Variants in DRD3 observed in about 807,000 individuals in gnomAD.
The protein encoded by DRD3 is D(3) dopamine receptor.
A neutral mutation model predicts 36.3 loss-of-function variants in DRD3; 19 were observed. That is an observed-to-expected ratio of 0.52 (90% CI 0.36 to 0.77). The LOEUF is 0.77. Ranked by LOEUF, DRD3 falls within the 30% of genes least tolerant of loss-of-function variation. DRD3 has a pLI of 0.00. For missense variants in DRD3, 465 were observed against 505.3 expected (o/e 0.92, Z 0.77); for synonymous variants, 195 against 203.7 (o/e 0.96, Z 0.36).
intron 4 of DRD3, among the ~76,000 whole-genome samples, chr3:114,144,365 G>A (rs1016199466): frequency 6.6e-6 from 1 of 152,178 alleles, no homozygotes; most frequent in African/African-American, 2.4e-5. Flanking sequence ...GCAGGATCCT[G>A]CCCTCTCCCC....
chr3:114,139,694 C>CTCT lies in DRD3; in HGVS notation c.528_529insAGA (p.Gly176_Asp177insArg). The CTCT allele has an allele frequency of 6.2e-7, 1 of 1,613,492 alleles. No homozygotes were observed. The highest frequency in any genetic ancestry group is 8.5e-7 in the Non-Finnish European group (1 of 1,179,658). Reference sequence around the variant, plus strand: ...TTGGAGATGGAGCAGACAGTGGGGTCCCCTGTGGATGAGAAGGGGGAAGGT... The same window carrying CTCT: ...TTGGAGATGGAGCAGACAGTGGGGTCTCTCCCTGTGGATGAGAAGGGGGAAGGT... On this transcript the variant is annotated inframe_insertion and splice_region_variant, in exon 5 of 7. Coordinates refer to ENST00000383673, the MANE Select transcript of DRD3 (RefSeq NM_000796.6).
chr3:114,151,831 GCT>G (rs1220139528), intron 3 of DRD3, among the ~76,000 whole-genome samples: 5 of 152,212 alleles, frequency 3.3e-5, no homozygotes, highest in Non-Finnish European at 7.4e-5. Flanking sequence ...GGCATCGACA[GCT>G]CTCTGAGTTC....
chr3:114,176,059 A>G (rs988543720), intron 1 of DRD3: 1 of 152,224 alleles, frequency 6.6e-6, no homozygotes, highest in African/African-American at 2.4e-5. Context: ...TCAGGTCCCC[A>G]TCAGTTATGA....
chr3:114,158,759 A>G (rs917584798), intron 3 of DRD3, among the ~76,000 whole-genome samples: 2 of 152,220 alleles, frequency 1.3e-5, no homozygotes, highest in African/African-American at 4.8e-5. Context: ...AATGTGATAA[A>G]TTCTCAATAA....
At chr3:114,179,188 T>C (rs977725509), upstream of DRD3, 1 of 152,210 alleles carries the variant, frequency 6.6e-6, no homozygotes, top group African/African-American at 2.4e-5. Context: ...TTAATTGCCT[T>C]TCCAGATTTT....
At chr3:114,142,521 A>G (rs2077534888) in intron 4 of DRD3, among the ~76,000 whole-genome samples, 1 of 152,194 alleles carries the variant, frequency 6.6e-6, no homozygotes, top group Non-Finnish European at 1.5e-5. Flanking sequence ...TTGTGTAATA[A>G]TGAATACACA....
intron 5 of DRD3, among the ~76,000 whole-genome samples, chr3:114,134,436 T>A (rs1207935396): frequency 2.0e-5 from 3 of 152,114 alleles, no homozygotes; most frequent in Admixed American, 6.5e-5. Context: ...TTATTTATTC[T>A]TTAAGACAAA....
chr3:114,156,994 T>TTCTC (rs774424169), intron 3 of DRD3, among the ~76,000 whole-genome samples: 18 of 147,094 alleles, frequency 1.2e-4, no homozygotes, highest in African/African-American at 3.8e-4. Flanking sequence ...CTTCCTTTCT[T>TTCTC]TCTCTCTCTC....
intron 2 of DRD3, among the ~76,000 whole-genome samples, chr3:114,170,602 T>C (rs891875931): frequency 6.6e-6 from 1 of 152,108 alleles, no homozygotes; most frequent in African/African-American, 2.4e-5. Flanking sequence ...GTTTTCTTTT[T>C]TTCTCTCTTT....
intron 2 of DRD3, among the ~76,000 whole-genome samples, chr3:114,166,126 C>A (rs554798389): frequency 3.2e-4 from 48 of 151,848 alleles, no homozygotes; most frequent in Middle Eastern, 3.4e-3. Context: ...TCTGGGATTA[C>A]AGGTACCTGC....
chr3:114,158,816 G>A (rs1191519281), intron 3 of DRD3, among the ~76,000 whole-genome samples: 1 of 152,184 alleles, frequency 6.6e-6, no homozygotes, highest in Non-Finnish European at 1.5e-5. Flanking sequence ...TGAGGTGGAT[G>A]GATGATATTA....
At chr3:114,150,187 C>T (rs2077604797) in intron 3 of DRD3, among the ~76,000 whole-genome samples, 1 of 152,238 alleles carries the variant, frequency 6.6e-6, no homozygotes, top group Non-Finnish European at 1.5e-5. Flanking sequence ...TCCAGCCACA[C>T]TGGCCTGGTA....
chr3:114,148,324 G>A (rs943635305), intron 3 of DRD3, among the ~76,000 whole-genome samples: 1 of 152,116 alleles, frequency 6.6e-6, no homozygotes, highest in Non-Finnish European at 1.5e-5. Flanking sequence ...CCTCCTGCTT[G>A]TATCCTAATA....
At chr3:114,133,242 G>A (rs2077446532) in intron 5 of DRD3, among the ~76,000 whole-genome samples, 1 of 152,190 alleles carries the variant, frequency 6.6e-6, no homozygotes, top group African/African-American at 2.4e-5. Context: ...GCCCACCTTG[G>A]CCTCCCAAAG....
intron 2 of DRD3, among the ~76,000 whole-genome samples, chr3:114,171,454 A>G (rs2077840482): frequency 6.6e-6 from 1 of 152,108 alleles, no homozygotes. Context: ...CCATATTAGG[A>G]AGAGTCCCGT....
intron 1 of DRD3, among the ~76,000 whole-genome samples, chr3:114,196,750 G>T (rs1379452349): frequency 1.3e-5 from 2 of 152,108 alleles, no homozygotes; most frequent in African/African-American, 2.4e-5. Flanking sequence ...ATCTTTTCTT[G>T]TGCTTGTTTA....
upstream of DRD3, among the ~76,000 whole-genome samples, chr3:114,180,101 G>C (rs1254657531): frequency 1.3e-5 from 2 of 152,032 alleles, no homozygotes; most frequent in African/African-American, 4.8e-5. Flanking sequence ...CTATGGTATA[G>C]TCTTCCAAAA....
At chr3:114,187,577 A>G (rs1441710447) in intron 1 of DRD3, among the ~76,000 whole-genome samples, 4 of 152,188 alleles carry the variant, frequency 2.6e-5, no homozygotes, top group Non-Finnish European at 4.4e-5. Context: ...CCATGATTGA[A>G]ATGTGGTCAT....
Position 114,128,759 on chromosome 3 carries a change from T to C in DRD3, c.1160A>G (p.Asn387Ser). Residue 387 changes from asparagine (N) to serine (S), a missense_variant, in exon 7 of 7, where the codon AAT becomes AGT. Coordinates refer to ENST00000383673, the MANE Select transcript of DRD3 (RefSeq NM_000796.6). The stretch of plus-strand genomic sequence containing the variant: ...GAGGAAGGCTTTCCGGAACTCGATA[T>C]TGAAGGTGGTATAGATCACAGGGTT... Reference protein sequence around the residue: ...ALNPVIYTTFNIEFRKAFLKI... With the variant: ...ALNPVIYTTFSIEFRKAFLKI... The C allele has an allele frequency of 4.3e-6, 7 of 1,611,470 alleles. No individual in the cohort carries two copies. The highest frequency in any genetic ancestry group is 5.9e-6 in the Non-Finnish European group (7 of 1,178,784).
Sources: gnomAD v4.1 joint callset for allele counts (sites outside exome capture counted in the v4.1 genomes callset) on GRCh38, gnomAD v4.1.1 for gene constraint, MANE v1.5 for transcripts, NCBI Gene and HGNC (gene_info 2026-07-23, HGNC 2026-07-21) for gene names.